SLC25A15: variants seen among roughly 807,000 people sequenced by gnomAD.
SLC25A15 encodes the protein mitochondrial ornithine transporter 1.
A neutral mutation model predicts 32.3 loss-of-function variants in SLC25A15; 24 were observed. The observed-to-expected ratio is 0.74, with a 90% CI of 0.54 to 1.04. The LOEUF is 1.04. Among genes scored for constraint, SLC25A15 ranks in the 50% least tolerant of loss-of-function variants. The pLI, the probability that SLC25A15 is intolerant of heterozygous loss-of-function variation, is 0.00. For missense variants in SLC25A15, 317 were observed against 374.5 expected, an observed-to-expected ratio of 0.85 and a Z score of 1.27; for synonymous variants, 132 against 142.1, an observed-to-expected ratio of 0.93 and a Z score of 0.51.
intron 2 of SLC25A15, among the ~76,000 whole-genome samples, chr13:40,796,402 G>T (rs935449037): frequency 6.6e-6 from 1 of 152,138 alleles, no homozygotes; most frequent in Non-Finnish European, 1.5e-5. Context: ...ATGGGGGTGC[G>T]TGGATCCCAA....
At chr13:40,806,227 C>T (rs3783164) in intron 4 of SLC25A15, among the ~76,000 whole-genome samples, 113,775 of 152,192 alleles carry the variant, frequency 0.75, 42,753 homozygotes, top group Admixed American at 0.81. Flanking sequence ...CAGTATGCAG[C>T]TCTATAAATA....
At chr13:40,794,201 G>T (rs1424366388) in intron 2 of SLC25A15, among the ~76,000 whole-genome samples, 1 of 152,160 alleles carries the variant, frequency 6.6e-6, no homozygotes, top group Non-Finnish European at 1.5e-5. Flanking sequence ...TTATCCAGGC[G>T]TGGTGGTGCA....
At position 40,811,253 on chromosome 13, in the gene SLC25A15, G is replaced by A. The variant is rs1434151858; in HGVS notation, c.*1586G>A. ...CGCCTATAATCCCAGCACTTTGGGA[G>A]GCTGAGGCGGGCGGGTCACAAGGTC... On this transcript the variant is annotated 3_prime_UTR_variant, in exon 7 of 7. Transcript: ENST00000338625. Among the ~76,000 whole-genome samples, 2 of 152,222 alleles carry A rather than the reference G, an allele frequency of 1.3e-5. No homozygotes were observed. Among genetic ancestry groups the A allele is most frequent in the African/African-American group, 4.8e-5 (2 of 41,462 alleles).
intron 3 of SLC25A15, among the ~76,000 whole-genome samples, chr13:40,800,780 C>T (rs1205496318): frequency 1.3e-5 from 2 of 152,188 alleles, no homozygotes; most frequent in African/African-American, 4.8e-5. Context: ...TGAGAACAAT[C>T]TAATACCTTA....
At position 40,799,337 on chromosome 13, in the gene SLC25A15, T is replaced by C. The variant is rs74242792; in HGVS notation, c.314+22T>C. The C allele has an allele frequency of 0.021, 33,556 of 1,613,954 alleles. 1,543 individuals are homozygous for C. Among genetic ancestry groups the C allele is most frequent in the East Asian group, 0.16 (7,047 of 44,864 alleles). On this transcript the variant is annotated intron_variant, in intron 3 of 6. Transcript: ENST00000338625. Reference sequence around the variant, plus strand: ...TGAGGTGAGTCAAGGACACACACTTTTTTTATTTGTTTAAAAAAACCCCAC... The same window carrying C: ...TGAGGTGAGTCAAGGACACACACTTCTTTTATTTGTTTAAAAAAACCCCAC...
At chr13:40,792,336 C>A (rs1002607238) in intron 1 of SLC25A15, among the ~76,000 whole-genome samples, 18 of 152,332 alleles carry the variant, frequency 1.2e-4, no homozygotes, top group African/African-American at 4.3e-4. Flanking sequence ...CTGTCCGCCT[C>A]ACTTGGGAAC....
chr13:40,789,964 G>C (rs946199383), intron 1 of SLC25A15, among the ~76,000 whole-genome samples: 4 of 152,222 alleles, frequency 2.6e-5, no homozygotes, highest in African/African-American at 9.6e-5. Context: ...GGAGCCGCTT[G>C]TGAATGGAGA....
chr13:40,792,442 T>A (rs986859821), intron 1 of SLC25A15, among the ~76,000 whole-genome samples: 2 of 152,122 alleles, frequency 1.3e-5, no homozygotes, highest in African/African-American at 4.8e-5. Context: ...CCTGCACACG[T>A]TTACATTTGA....
In SLC25A15 at chr13:40,811,186, G is replaced by A. The variant is rs1458722740; in HGVS notation, c.*1519G>A. Among the ~76,000 whole-genome samples, 1 of 152,158 alleles carries A rather than the reference G, an allele frequency of 6.6e-6. No individual in the cohort carries two copies. The highest frequency in any genetic ancestry group is 6.5e-5 in the Admixed American group (1 of 15,268). ...ATGTGATATGAGTTTATAAAGCAAT[G>A]GAACATAAGAAAAGCAATTGTAGGC... is the stretch of plus-strand genomic sequence containing the variant. On this transcript the variant is annotated 3_prime_UTR_variant, in exon 7 of 7. Coordinates refer to ENST00000338625, the MANE Select transcript of SLC25A15 (RefSeq NM_014252.4).
At chr13:40,797,815 T>C (rs1177073310) in intron 2 of SLC25A15, among the ~76,000 whole-genome samples, 1 of 152,218 alleles carries the variant, frequency 6.6e-6, no homozygotes, top group Admixed American at 6.5e-5. Context: ...TTAAATATTT[T>C]CTGTAAGCCT....
At chr13:40,791,343 T>TTATTTTC (rs1468733611) in intron 1 of SLC25A15, among the ~76,000 whole-genome samples, 56 of 147,198 alleles carry the variant, frequency 3.8e-4, no homozygotes, top group Admixed American at 1.3e-4. Flanking sequence ...ATTTTATTTT[T>TTATTTTC]TATTTTCTAT....
chr13:40,790,828 C>G (rs886718144), intron 1 of SLC25A15, among the ~76,000 whole-genome samples: 2 of 152,170 alleles, frequency 1.3e-5, no homozygotes, highest in African/African-American at 4.8e-5. Context: ...CTCAGGTGAT[C>G]CGCCCGCCTT....
chr13:40,796,523 T>C (rs1300468152), intron 2 of SLC25A15, among the ~76,000 whole-genome samples: 1 of 152,244 alleles, frequency 6.6e-6, no homozygotes, highest in African/African-American at 2.4e-5. Context: ...TTGTTTAGCA[T>C]AGTTGGAGAA....
At chr13:40,807,249 T>C in intron 4 of SLC25A15, 45 bp from the exon 5 acceptor site, 3 of 1,593,172 alleles carry the variant, frequency 1.9e-6, no homozygotes, top group Non-Finnish European at 2.6e-6. Flanking sequence ...CTTTTCTTCC[T>C]TCCCACCTGC....
At chr13:40,808,883 T>A (rs1465534847) in intron 6 of SLC25A15, among the ~76,000 whole-genome samples, 1 of 135,356 alleles carries the variant, frequency 7.4e-6, no homozygotes, top group Non-Finnish European at 1.5e-5. Context: ...TGCAGTGAGC[T>A]GAGATTGCAC....
rs1322575345 is a variant in SLC25A15, at chr13:40,799,301, G to A, written c.300G>A (p.Lys100=). 1 of 1,614,064 alleles carries A rather than the reference G, an allele frequency of 6.2e-7. No individual in the cohort carries two copies. Among genetic ancestry groups the A allele is most frequent in the Non-Finnish European group, 8.5e-7 (1 of 1,180,050 alleles). The change falls in exon 3 of 7, where the codon AAG becomes AAA. Residue 100 remains lysine (K), a synonymous_variant. Coordinates refer to ENST00000338625, the MANE Select transcript of SLC25A15 (RefSeq NM_014252.4). ...QVVRKVAGLD[K]QAKLSDLQNA... The stretch of plus-strand genomic sequence containing the variant: ...TGCGGAAAGTGGCTGGATTGGACAA[G>A]CAGGCAAAGCTGAGGTGAGTCAAGG...
intron 2 of SLC25A15, among the ~76,000 whole-genome samples, chr13:40,794,360 A>G (rs1206900434): frequency 6.6e-6 from 1 of 151,662 alleles, no homozygotes; most frequent in Non-Finnish European, 1.5e-5. Flanking sequence ...AAAAAAAGAC[A>G]TGTCTCTGAA....
At chr13:40,808,303 C>A in intron 5 of SLC25A15, 135 bp from the exon 6 acceptor site, 1 of 817,910 alleles carries the variant, frequency 1.2e-6, no homozygotes, top group Non-Finnish European at 2.1e-6. Flanking sequence ...TGACAGTTTT[C>A]CTCAAAGAAT....
intron 2 of SLC25A15, among the ~76,000 whole-genome samples, chr13:40,794,303 G>T (rs1453861488): frequency 6.6e-6 from 1 of 150,636 alleles, no homozygotes; most frequent in Non-Finnish European, 1.5e-5. Context: ...TCGCGCCATT[G>T]CACTCCAGCC....
Sources: allele counts gnomAD v4.1 joint callset (sites outside exome capture counted in the v4.1 genomes callset), GRCh38; gene constraint gnomAD v4.1.1; transcripts MANE v1.5; gene names NCBI Gene and HGNC (gene_info 2026-07-23, HGNC 2026-07-21).